Variants in SPAG16 observed in about 807,000 individuals in gnomAD.
SPAG16 encodes sperm associated antigen 16.
In SPAG16, 86 loss-of-function variants were observed where a neutral mutation model predicts 80.4. The observed-to-expected ratio is 1.07, with a 90% CI of 0.90 to 1.28. SPAG16 has a LOEUF of 1.28. Ranked by LOEUF, SPAG16 falls within the 50% of genes most tolerant of loss-of-function variation. SPAG16 has a pLI of 0.00. For missense variants in SPAG16, 870 were observed against 765.3 expected, an observed-to-expected ratio of 1.14 and a Z score of -1.61; for synonymous variants, 294 against 265.9, an observed-to-expected ratio of 1.11 and a Z score of -1.03.
chr2:214,299,814 G>T (rs889518836), intron 15 of SPAG16, among the ~76,000 whole-genome samples: 3 of 152,098 alleles, frequency 2.0e-5, no homozygotes, highest in African/African-American at 7.2e-5. Flanking sequence ...GTAGATACCT[G>T]TATGAATTGG....
At chr2:213,581,321 GATTCTCCACCTTAGCCTCCC>G (rs2060290498) in intron 10 of SPAG16, among the ~76,000 whole-genome samples, 1 of 151,968 alleles carries the variant, frequency 6.6e-6, no homozygotes, top group Admixed American at 6.6e-5. Context: ...GGGCTCAAGT[GATTCTCCACCTTAGCCTCCC>G]AAGTAGCTGG....
intron 10 of SPAG16, among the ~76,000 whole-genome samples, chr2:213,520,277 GC>G (rs2075609611): frequency 6.6e-6 from 1 of 152,036 alleles, no homozygotes; most frequent in Admixed American, 6.6e-5. Context: ...CAGACTTATG[GC>G]CTCCAGAACT....
intron 10 of SPAG16, among the ~76,000 whole-genome samples, chr2:213,683,387 C>T (rs1250685849): frequency 6.6e-6 from 1 of 152,020 alleles, no homozygotes; most frequent in African/African-American, 2.4e-5. Flanking sequence ...CCCATCTCTA[C>T]AAAAAATAGA....
At chr2:214,237,919 G>T (rs184438315) in intron 15 of SPAG16, among the ~76,000 whole-genome samples, 2 of 152,066 alleles carry the variant, frequency 1.3e-5, no homozygotes, top group Admixed American at 1.3e-4. Context: ...TATGTTTCAT[G>T]TATAGAAACC....
intron 15 of SPAG16, among the ~76,000 whole-genome samples, chr2:214,365,379 T>C (rs1699412919): frequency 6.6e-6 from 1 of 152,188 alleles, no homozygotes; most frequent in South Asian, 2.1e-4. Flanking sequence ...AACAGCAGCC[T>C]TTAATAATGA....
chr2:214,136,375 A>G (rs1264217403), intron 14 of SPAG16, among the ~76,000 whole-genome samples: 1 of 152,180 alleles, frequency 6.6e-6, no homozygotes, highest in Non-Finnish European at 1.5e-5. Context: ...TGGTTGTCTC[A>G]TTTGTAATAT....
intron 12 of SPAG16, among the ~76,000 whole-genome samples, chr2:213,938,461 C>T (rs2079075454): frequency 6.6e-6 from 1 of 151,770 alleles, no homozygotes; most frequent in Admixed American, 6.6e-5. Context: ...TTATTCAGCT[C>T]AAAATTAATT....
At chr2:214,102,113 TTTG>T (rs1280752723) in intron 13 of SPAG16, among the ~76,000 whole-genome samples, 3,622 of 99,304 alleles carry the variant, frequency 0.036, 158 homozygotes, top group African/African-American at 0.12. Context: ...AGGGTGGTTT[TTTG>T]TTTTTTTTTT....
At chr2:214,010,332 C>T (rs2047223703) in intron 12 of SPAG16, among the ~76,000 whole-genome samples, 1 of 144,928 alleles carries the variant, frequency 6.9e-6, no homozygotes, top group South Asian at 2.2e-4. Context: ...GCAAATTAGA[C>T]AAAAAAGGAC....
rs1054138630 is a variant in SPAG16, at chr2:213,577,559, T to C, written c.1070+87469T>C. ...CTATTCCAAAGTCTGTACTGGGGCT[T>C]CTAAAAAATAGAGGTAGACTTATAG... is the stretch of plus-strand genomic sequence containing the variant. On this transcript the variant is annotated intron_variant, in intron 10 of 15. Transcript: ENST00000331683. 2.0e-5 allele frequency among the ~76,000 whole-genome samples: 3 copies of C among 152,186 alleles called. 1 individual carries two copies. In the South Asian group the frequency reaches 6.2e-4, roughly 32 times the overall value.
intron 9 of SPAG16, among the ~76,000 whole-genome samples, chr2:213,435,273 C>T (rs2125503103): frequency 6.6e-6 from 1 of 152,174 alleles, no homozygotes; most frequent in South Asian, 2.1e-4. Context: ...TTAGGTGAAA[C>T]AATGCAGAAA....
At chr2:213,822,863 G>T (rs77368722) in intron 10 of SPAG16, among the ~76,000 whole-genome samples, 1 of 152,134 alleles carries the variant, frequency 6.6e-6, no homozygotes, top group Non-Finnish European at 1.5e-5. Flanking sequence ...TGCTGAGGAT[G>T]ATGGCTTCCA....
intron 15 of SPAG16, among the ~76,000 whole-genome samples, chr2:214,167,994 C>CTTTTTTTTT (rs202075837): frequency 7.5e-6 from 1 of 133,060 alleles, no homozygotes; most frequent in Admixed American, 7.9e-5. Context: ...TTCTTTTTCT[C>CTTTTTTTTT]TTTTTTTTTT....
At chr2:213,723,527 C>A (rs143772132) in intron 10 of SPAG16, among the ~76,000 whole-genome samples, 1 of 152,270 alleles carries the variant, frequency 6.6e-6, no homozygotes, top group East Asian at 1.9e-4. Flanking sequence ...AGAGAGCTTA[C>A]CCAGTCTCAA....
chr2:213,593,941 A>T (rs1039213592), intron 10 of SPAG16, among the ~76,000 whole-genome samples: 19 of 149,410 alleles, frequency 1.3e-4, no homozygotes, highest in African/African-American at 4.6e-4. Context: ...CGCCCGGCTA[A>T]TTTTTTTCTA....
chr2:213,362,152 T>C (rs922226391), intron 7 of SPAG16, among the ~76,000 whole-genome samples: 1 of 152,164 alleles, frequency 6.6e-6, no homozygotes, highest in Non-Finnish European at 1.5e-5. Flanking sequence ...AAAGTCAGGT[T>C]CCTCATTATA....
At chr2:213,671,555 C>G (rs1317414546) in intron 10 of SPAG16, among the ~76,000 whole-genome samples, 1 of 152,174 alleles carries the variant, frequency 6.6e-6, no homozygotes, top group Non-Finnish European at 1.5e-5. Context: ...TCTGCTGTCT[C>G]CCATCTCCTC....
intron 1 of SPAG16, among the ~76,000 whole-genome samples, chr2:213,293,554 G>C (rs2062381258): frequency 6.6e-6 from 1 of 152,216 alleles, no homozygotes; most frequent in Non-Finnish European, 1.5e-5. Context: ...CCTGTGGAGA[G>C]ACCCACATGG....
intron 10 of SPAG16, among the ~76,000 whole-genome samples, chr2:213,676,081 C>T (rs1450220848): frequency 6.6e-6 from 1 of 151,416 alleles, no homozygotes; most frequent in East Asian, 1.9e-4. Flanking sequence ...GTTTGTAGTT[C>T]TCCTTGAAGA....
Sources: gnomAD v4.1 joint callset for allele counts (sites outside exome capture counted in the v4.1 genomes callset) on GRCh38, gnomAD v4.1.1 for gene constraint, MANE v1.5 for transcripts, NCBI Gene and HGNC (gene_info 2026-07-23, HGNC 2026-07-21) for gene names.